Variants in ATP8B4 observed in about 807,000 individuals in gnomAD.
ATP8B4 encodes the protein probable phospholipid-transporting ATPase IM.
In ATP8B4, 133 loss-of-function variants were observed where a neutral mutation model predicts 145.6. The ratio of observed to expected loss-of-function variants is 0.91; its 90% CI spans 0.79 to 1.05. ATP8B4 has a LOEUF of 1.05. ATP8B4 is among the 50% of genes least tolerant of loss of function. ATP8B4 has a pLI of 0.00. For missense variants in ATP8B4, 1,458 were observed against 1,425.2 expected, an observed-to-expected ratio of 1.02 and a Z score of -0.37; for synonymous variants, 507 against 492.9, an observed-to-expected ratio of 1.03 and a Z score of -0.38.
chr15:50,148,996 A>G (rs2044313033), intron 1 of ATP8B4, among the ~76,000 whole-genome samples: 1 of 152,224 alleles, frequency 6.6e-6, no homozygotes, highest in Non-Finnish European at 1.5e-5. Flanking sequence ...CAAAAAGATA[A>G]GTATCCCTTT....
intron 8 of ATP8B4, among the ~76,000 whole-genome samples, chr15:49,997,655 T>C (rs1375975749): frequency 6.6e-6 from 1 of 152,070 alleles, no homozygotes; most frequent in Admixed American, 6.6e-5. Context: ...GTGTGGAATT[T>C]TGTGCAAACC....
intron 8 of ATP8B4, among the ~76,000 whole-genome samples, chr15:49,998,596 T>A (rs973823424): frequency 6.6e-6 from 1 of 152,218 alleles, no homozygotes; most frequent in East Asian, 1.9e-4. Flanking sequence ...TGTTTGTTTT[T>A]TTCTTGTAAA....
intron 11 of ATP8B4, 36 bp downstream of exon 11, chr15:49,981,170 C>T (rs150303343): frequency 2.9e-5 from 41 of 1,432,716 alleles, no homozygotes; most frequent in Admixed American, 2.5e-4. Flanking sequence ...ACTAAGATAA[C>T]AATGACTAGT....
intron 1 of ATP8B4, among the ~76,000 whole-genome samples, chr15:50,167,021 A>G (rs1437615950): frequency 1.4e-4 from 21 of 152,182 alleles, no homozygotes; most frequent in Admixed American, 1.4e-3. Flanking sequence ...CCAGATCACA[A>G]TTTTACTCAC....
chr15:50,103,304 G>T (rs1403075171), intron 2 of ATP8B4, among the ~76,000 whole-genome samples: 4 of 152,104 alleles, frequency 2.6e-5, no homozygotes, highest in African/African-American at 9.7e-5. Context: ...AAGTCAAACT[G>T]TTGCTGTTTG....
intron 1 of ATP8B4, among the ~76,000 whole-genome samples, chr15:50,154,147 C>A (rs969505051): frequency 2.0e-5 from 3 of 152,162 alleles, no homozygotes; most frequent in Non-Finnish European, 4.4e-5. Flanking sequence ...CATGCTGAAA[C>A]TTTCTGCTTT....
intron 3 of ATP8B4, among the ~76,000 whole-genome samples, chr15:50,048,462 T>C (rs1458067401): frequency 1.3e-5 from 2 of 151,520 alleles, no homozygotes; most frequent in African/African-American, 4.8e-5. Flanking sequence ...AATCCCAGCA[T>C]TTTGGGAGGC....
chr15:50,006,038 C>G (rs1264201053), intron 7 of ATP8B4, among the ~76,000 whole-genome samples: 1 of 151,790 alleles, frequency 6.6e-6, no homozygotes, highest in African/African-American at 2.4e-5. Flanking sequence ...TGCATTGAGT[C>G]AAAAAATGAG....
chr15:49,934,642 G>A (rs1231859254), intron 14 of ATP8B4, among the ~76,000 whole-genome samples: 1 of 152,054 alleles, frequency 6.6e-6, no homozygotes, highest in African/African-American at 2.4e-5. Context: ...AAACATTAAT[G>A]TGTTTGATTA....
At chr15:50,178,008 G>A (rs2044789230) in intron 1 of ATP8B4, among the ~76,000 whole-genome samples, 1 of 152,178 alleles carries the variant, frequency 6.6e-6, no homozygotes, top group Admixed American at 6.5e-5. Flanking sequence ...ATAGATGATA[G>A]GGATGAACGT....
intron 14 of ATP8B4, among the ~76,000 whole-genome samples, chr15:49,953,701 G>C (rs1489671397): frequency 6.6e-6 from 1 of 152,234 alleles, no homozygotes; most frequent in Non-Finnish European, 1.5e-5. Context: ...GGCTTAGACA[G>C]CAGGCAGCAG....
intron 12 of ATP8B4, among the ~76,000 whole-genome samples, chr15:49,977,879 T>C (rs573701485): frequency 6.6e-6 from 1 of 152,258 alleles, no homozygotes; most frequent in East Asian, 1.9e-4. Context: ...TATGGGGAAG[T>C]ACATATTTGA....
intron 20 of ATP8B4, among the ~76,000 whole-genome samples, chr15:49,915,319 GC>G (rs2039631937): frequency 1.3e-5 from 2 of 152,156 alleles, no homozygotes; most frequent in African/African-American, 2.4e-5. Context: ...GGGTGGGAAT[GC>G]GGGGGATGAA....
chr15:49,899,269 C>A (rs2037759295), intron 21 of ATP8B4, among the ~76,000 whole-genome samples: 1 of 152,164 alleles, frequency 6.6e-6, no homozygotes, highest in Admixed American at 6.6e-5. Context: ...GATTCTCCCA[C>A]AAAGAAGTAA....
At chr15:50,142,348 C>T (rs1232135920) in intron 1 of ATP8B4, among the ~76,000 whole-genome samples, 1 of 152,102 alleles carries the variant, frequency 6.6e-6, no homozygotes, top group Non-Finnish European at 1.5e-5. Context: ...CAGGACACAA[C>T]TCAGAGTTAT....
At chr15:49,892,687 A>G (rs1193692948) in intron 23 of ATP8B4, among the ~76,000 whole-genome samples, 1 of 152,188 alleles carries the variant, frequency 6.6e-6, no homozygotes, top group Non-Finnish European at 1.5e-5. Flanking sequence ...TTGCTTAGAA[A>G]AAGCAGCGTT....
chr15:49,927,676 G>T (rs535398911), intron 16 of ATP8B4, among the ~76,000 whole-genome samples: 2 of 152,132 alleles, frequency 1.3e-5, no homozygotes, highest in East Asian at 3.9e-4. Flanking sequence ...ACATCTCCCT[G>T]TGTAGCAATT....
In ATP8B4 at chr15:49,862,169, TC is replaced by T. The variant is rs2031943429; in HGVS notation, c.3297+75del. ...AATTTCATTAGCCCATCTCTGAGCTTCCAATAAGGCAGAAAAGGACACCATT... is the reference window on the plus strand; with the variant it reads ...AATTTCATTAGCCCATCTCTGAGCTTCAATAAGGCAGAAAAGGACACCATT... On this transcript the variant is annotated intron_variant, in intron 27 of 27. Coordinates refer to ENST00000284509, the MANE Select transcript of ATP8B4 (RefSeq NM_024837.4). 2.0e-6 allele frequency: 3 copies of T among 1,520,934 alleles called. No homozygotes were observed. The African/African-American group carries it at 4.2e-5, about 21-fold the overall frequency. 94.2% of individuals were successfully genotyped at this position (1,520,934 alleles called of 1,614,324 possible).
intron 3 of ATP8B4, among the ~76,000 whole-genome samples, chr15:50,061,028 C>A (rs1015343192): frequency 3.3e-5 from 5 of 152,146 alleles, no homozygotes; most frequent in African/African-American, 4.8e-5. Flanking sequence ...TTAGGAGGTA[C>A]TGGATTCCCC....
Sources: allele counts gnomAD v4.1 joint callset (sites outside exome capture counted in the v4.1 genomes callset), GRCh38; gene constraint gnomAD v4.1.1; transcripts MANE v1.5; gene names NCBI Gene and HGNC (gene_info 2026-07-23, HGNC 2026-07-21).